DLGAP1: variants seen among roughly 807,000 people sequenced by gnomAD.
DLGAP1 encodes DLG associated protein 1, also known as disks large-associated protein 1.
DLGAP1 carries 11 observed loss-of-function variants against 90.8 expected under a neutral mutation model. The ratio of observed to expected loss-of-function variants is 0.12; its 90% CI spans 0.08 to 0.20. The LOEUF is 0.20. Among genes scored for constraint, DLGAP1 ranks in the 10% least tolerant of loss-of-function variants. DLGAP1 has a pLI of 1.00. For synonymous variants in DLGAP1, 558 were observed against 540.7 expected (o/e 1.03, Z -0.44); for missense variants, 1,050 against 1,333.8 (o/e 0.79, Z 3.31).
At position 3,636,511 on chromosome 18, in the gene DLGAP1, A is replaced by C. The variant is rs561991940; in HGVS notation, c.1592-54263T>G. Among the ~76,000 whole-genome samples the C allele has an allele frequency of 2.3e-4, 35 of 151,654 alleles. No individual in the cohort carries two copies. The South Asian group carries it at 7.1e-3, about 31-fold the overall frequency. ...ACTGTAACCTCCACCTCCCGGGTTC[A>C]AGTGATTCTCCTGCTTCAGCCTCCC... is the stretch of plus-strand genomic sequence containing the variant. On this transcript the variant is annotated intron_variant, in intron 7 of 12. Transcript: ENST00000315677.
chr18:4,205,219 A>G (rs933108404), intron 1 of DLGAP1, among the ~76,000 whole-genome samples: 7 of 152,120 alleles, frequency 4.6e-5, no homozygotes, highest in Non-Finnish European at 2.9e-5. Context: ...GGTTAAGAGG[A>G]GAAAGAGTAG....
intron 1 of DLGAP1, among the ~76,000 whole-genome samples, chr18:4,363,443 T>G (rs1044981207): frequency 3.3e-5 from 5 of 152,146 alleles, no homozygotes; most frequent in Admixed American, 2.6e-4. Context: ...TAAGCTGTCC[T>G]AACACAGTGA....
At chr18:4,298,802 C>A (rs1208902267) in intron 1 of DLGAP1, among the ~76,000 whole-genome samples, 1 of 151,928 alleles carries the variant, frequency 6.6e-6, no homozygotes, top group African/African-American at 2.4e-5. Context: ...AAATTCTTGG[C>A]CTGGCGCAGT....
intron 2 of DLGAP1, among the ~76,000 whole-genome samples, chr18:4,121,161 C>T (rs1467675106): frequency 6.6e-6 from 1 of 152,080 alleles, no homozygotes; most frequent in Non-Finnish European, 1.5e-5. Context: ...TTAGGAAAGA[C>T]CTGTTTTAAG....
intron 1 of DLGAP1, among the ~76,000 whole-genome samples, chr18:4,267,368 G>A (rs1044800669): frequency 1.5e-4 from 23 of 152,136 alleles, no homozygotes; most frequent in Admixed American, 7.2e-4. Context: ...ACTTGCTATT[G>A]CTCCTTCCCT....
intron 1 of DLGAP1, among the ~76,000 whole-genome samples, chr18:4,392,601 T>G (rs2082361492): frequency 6.6e-6 from 1 of 152,182 alleles, no homozygotes; most frequent in African/African-American, 2.4e-5. Context: ...ATCCACCTAC[T>G]CAAAGTTTAA....
intron 1 of DLGAP1, among the ~76,000 whole-genome samples, chr18:4,380,517 T>C (rs940366176): frequency 1.3e-5 from 2 of 152,176 alleles, no homozygotes; most frequent in African/African-American, 4.8e-5. Context: ...TTACTATAGA[T>C]GATCTATGTG....
chr18:4,245,556 T>A (rs1187122664), intron 1 of DLGAP1, among the ~76,000 whole-genome samples: 1 of 152,194 alleles, frequency 6.6e-6, no homozygotes, highest in Non-Finnish European at 1.5e-5. Flanking sequence ...TATTATTTTT[T>A]ATAAGCAATA....
chr18:4,360,154 G>C (rs2081601830), intron 1 of DLGAP1, among the ~76,000 whole-genome samples: 1 of 152,138 alleles, frequency 6.6e-6, no homozygotes, highest in Non-Finnish European at 1.5e-5. Flanking sequence ...ATTACTTAGA[G>C]GAAGAATATA....
At chr18:3,783,009 C>T (rs2065270244) in intron 5 of DLGAP1, among the ~76,000 whole-genome samples, 1 of 152,146 alleles carries the variant, frequency 6.6e-6, no homozygotes, top group Non-Finnish European at 1.5e-5. Flanking sequence ...ATAGATATTT[C>T]TCCAAAGAAA....
At position 3,583,184 on chromosome 18, in the gene DLGAP1, A is replaced by ACCTTCCTT. The variant is rs1194711711; in HGVS notation, c.1592-944_1592-937dup. On this transcript the variant is annotated intron_variant, in intron 7 of 12. Coordinates refer to ENST00000315677, the MANE Select transcript of DLGAP1 (RefSeq NM_004746.4). ...TACCTACCTACCTACCTACCTACCTACCTTCCTTCCTTCCTTCCTTCCTTC... is the reference window on the plus strand; with the variant it reads ...TACCTACCTACCTACCTACCTACCTACCTTCCTTCCTTCCTTCCTTCCTTCCTTCCTTC... 8.5e-3 allele frequency among the ~76,000 whole-genome samples: 1,087 copies of ACCTTCCTT among 127,794 alleles called. 22 individuals carry two copies. The highest frequency in any genetic ancestry group is 0.032 in the African/African-American group (1,015 of 31,744). The allele number at this position is 127,794 out of a possible 152,430, so 83.8% of individuals were successfully genotyped here. A position where few individuals can be genotyped will look rare whatever the true frequency, so the allele number is the denominator to read the frequency against.
intron 4 of DLGAP1, among the ~76,000 whole-genome samples, chr18:3,854,543 C>T (rs780378217): frequency 4.2e-4 from 64 of 152,278 alleles, no homozygotes; most frequent in Non-Finnish European, 4.0e-4. Context: ...TAGTAATAAA[C>T]GAATAACTGT....
intron 1 of DLGAP1, among the ~76,000 whole-genome samples, chr18:4,407,711 T>C (rs752079629): frequency 3.7e-4 from 56 of 152,120 alleles, no homozygotes; most frequent in South Asian, 4.1e-4. Context: ...ATACCCAGTC[T>C]CTACTAAAAA....
At chr18:4,089,650 G>T (rs549949911) in intron 2 of DLGAP1, among the ~76,000 whole-genome samples, 1 of 152,154 alleles carries the variant, frequency 6.6e-6, no homozygotes, top group Non-Finnish European at 1.5e-5. Context: ...ACAAACGTCT[G>T]ATCTTCAACA....
chr18:4,261,434 T>G (rs1450598938), intron 1 of DLGAP1, among the ~76,000 whole-genome samples: 1 of 152,154 alleles, frequency 6.6e-6, no homozygotes, highest in Non-Finnish European at 1.5e-5. Flanking sequence ...TGTGTCTCCA[T>G]GCTATTTTGC....
intron 2 of DLGAP1, among the ~76,000 whole-genome samples, chr18:4,045,696 T>A (rs746577949): frequency 6.6e-5 from 10 of 151,092 alleles, no homozygotes; most frequent in Non-Finnish European, 1.2e-4. Context: ...TAGAGTAATA[T>A]AATGTTAATT....
intron 4 of DLGAP1, among the ~76,000 whole-genome samples, chr18:3,841,485 C>T (rs2068712070): frequency 6.6e-6 from 1 of 152,126 alleles, no homozygotes; most frequent in Non-Finnish European, 1.5e-5. Context: ...AAAAAATGAT[C>T]CTTATACATT....
At chr18:4,220,599 G>A (rs2078054553) in intron 1 of DLGAP1, among the ~76,000 whole-genome samples, 1 of 151,912 alleles carries the variant, frequency 6.6e-6, no homozygotes, top group Non-Finnish European at 1.5e-5. Flanking sequence ...TTTTCAAAAC[G>A]TTTCCATTTG....
intron 3 of DLGAP1, among the ~76,000 whole-genome samples, chr18:3,900,637 A>G (rs981520615): frequency 3.3e-5 from 5 of 152,130 alleles, no homozygotes; most frequent in African/African-American, 1.2e-4. Flanking sequence ...ATAAATGGAT[A>G]CTCCAAGACT....
Sources: allele counts gnomAD v4.1 joint callset (sites outside exome capture counted in the v4.1 genomes callset), GRCh38; gene constraint gnomAD v4.1.1; transcripts MANE v1.5; gene names NCBI Gene and HGNC (gene_info 2026-07-23, HGNC 2026-07-21).